QPRT: variants seen among roughly 807,000 people sequenced by gnomAD.
The protein encoded by QPRT is nicotinate-nucleotide pyrophosphorylase [carboxylating].
QPRT carries 17 observed loss-of-function variants against 19.8 expected under a neutral mutation model. The ratio of observed to expected loss-of-function variants is 0.86; its 90% CI spans 0.59 to 1.29. QPRT has a LOEUF of 1.29. Among genes scored for constraint, QPRT ranks in the 50% most tolerant of loss-of-function variants. The probability of loss-of-function intolerance (pLI) is 0.00; values close to 1 mark genes in which losing one functional copy is unlikely to be tolerated. For synonymous variants in QPRT, 178 were observed against 191.0 expected (o/e 0.93, Z 0.56); for missense variants, 336 against 405.1 (o/e 0.83, Z 1.46).
chr16:29,694,411 G>A (rs937453696), intron 1 of QPRT, among the ~76,000 whole-genome samples: 2 of 151,970 alleles, frequency 1.3e-5, no homozygotes, highest in Admixed American at 1.3e-4. Context: ...GAGCCACCGC[G>A]CCCGGCCCAG....
intron 1 of QPRT, among the ~76,000 whole-genome samples, chr16:29,692,281 T>C (rs2142307984): frequency 6.6e-6 from 1 of 151,988 alleles, no homozygotes; most frequent in East Asian, 1.9e-4. Context: ...ATTTATTTAT[T>C]TTTTAAGTGT....
chr16:29,696,152 TG>T (rs1567333226), intron 2 of QPRT: 1 of 152,174 alleles, frequency 6.6e-6, no homozygotes, highest in Non-Finnish European at 1.5e-5. Context: ...CAAATATTGC[TG>T]ATATTCATCC....
intron 1 of QPRT, among the ~76,000 whole-genome samples, chr16:29,691,010 A>G (rs950290609): frequency 4.0e-5 from 6 of 151,836 alleles, no homozygotes; most frequent in African/African-American, 9.7e-5. Flanking sequence ...TGTTTACCCA[A>G]TACTCACCAG....
Position 29,695,291 on chromosome 16 carries a change from G to A in QPRT, c.549+92G>A, listed in dbSNP as rs1967496261. The A allele has an allele frequency of 2.2e-6, 3 of 1,371,008 alleles. No homozygotes were observed. The Admixed American group carries it at 8.3e-5, about 38-fold the overall frequency. 84.9% of individuals were successfully genotyped at this position (1,371,008 alleles called of 1,614,324 possible). ...CCAGAGCCTCCAGCCATGACCGGGTGAACAGCCATGGCCTGGAGTCAGCAA... is the reference window on the plus strand; with the variant it reads ...CCAGAGCCTCCAGCCATGACCGGGTAAACAGCCATGGCCTGGAGTCAGCAA... On this transcript the variant is annotated intron_variant, in intron 2 of 3. Transcript: ENST00000395384.
chr16:29,682,310 A>G (rs1308142897), intron 1 of QPRT, among the ~76,000 whole-genome samples: 1 of 150,664 alleles, frequency 6.6e-6, no homozygotes. Flanking sequence ...AAGTGTTGGG[A>G]TTACAGGCAT....
chr16:29,685,578 C>G (rs1239861138), intron 1 of QPRT, among the ~76,000 whole-genome samples: 1 of 152,156 alleles, frequency 6.6e-6, no homozygotes, highest in Non-Finnish European at 1.5e-5. Flanking sequence ...TGACAGCCAC[C>G]GCGCCCAGCC....
intron 1 of QPRT, among the ~76,000 whole-genome samples, chr16:29,686,056 C>T (rs1279949100): frequency 6.6e-6 from 1 of 152,114 alleles, no homozygotes; most frequent in Non-Finnish European, 1.5e-5. Flanking sequence ...GACGGGGTTT[C>T]ACCATGTTGG....
intron 1 of QPRT, among the ~76,000 whole-genome samples, chr16:29,679,994 T>G (rs891273783): frequency 6.6e-6 from 1 of 151,274 alleles, no homozygotes; most frequent in Non-Finnish European, 1.5e-5. Flanking sequence ...GAGTCTCGCT[T>G]TCCCCCAGGC....
chr16:29,693,447 C>T (rs1216898000), intron 1 of QPRT, among the ~76,000 whole-genome samples: 4 of 151,554 alleles, frequency 2.6e-5, no homozygotes, highest in Admixed American at 6.6e-5. Flanking sequence ...TCATTTTTTT[C>T]GGGGTTTTGC....
chr16:29,684,899 TGCCCGCGGCTGGCACGCCATGGCTG>T (rs1011265441), intron 1 of QPRT, among the ~76,000 whole-genome samples: 5 of 152,092 alleles, frequency 3.3e-5, no homozygotes, highest in African/African-American at 1.2e-4. Flanking sequence ...GGAACAGGGG[TGCCCGCGGCTGGCACGCCATGGCTG>T]GCACGCCATG....
chr16:29,684,637 G>A lies in QPRT; in HGVS notation c.13+5427G>A, dbSNP rs548088741. ...GCTGGGATTACAGGCGTGAGCCACC[G>A]CGCCTGGCCACGGCAGCATCTCTTC... is the stretch of plus-strand genomic sequence containing the variant. On this transcript the variant is annotated intron_variant, in intron 1 of 3. Coordinates refer to ENST00000395384, the MANE Select transcript of QPRT (RefSeq NM_014298.6). 2.2e-3 allele frequency among the ~76,000 whole-genome samples: 338 copies of A among 152,128 alleles called. 2 individuals carry two copies. The highest frequency in any genetic ancestry group is 7.8e-3 in the African/African-American group (322 of 41,500).
At chr16:29,679,119 G>C (rs1048284028), upstream of QPRT, 2 of 1,613,340 alleles carry the variant, frequency 1.2e-6, no homozygotes. Context: ...TCCCTCCACA[G>C]TCCCACCCCC....
At chr16:29,683,909 C>T (rs1388810178) in intron 1 of QPRT, among the ~76,000 whole-genome samples, 2 of 152,130 alleles carry the variant, frequency 1.3e-5, no homozygotes, top group Non-Finnish European at 2.9e-5. Flanking sequence ...ACCTCCCGTG[C>T]GCTCCTCGAG....
At chr16:29,685,917 A>G (rs1326971074) in intron 1 of QPRT, among the ~76,000 whole-genome samples, 1 of 152,108 alleles carries the variant, frequency 6.6e-6, no homozygotes, top group Non-Finnish European at 1.5e-5. Flanking sequence ...CTGGAATACA[A>G]TGGTGGGATC....
chr16:29,680,426 A>T (rs1966965080), intron 1 of QPRT, among the ~76,000 whole-genome samples: 1 of 152,078 alleles, frequency 6.6e-6, no homozygotes, highest in Non-Finnish European at 1.5e-5. Flanking sequence ...CAATGGCAAT[A>T]AGGAGGTGAT....
intron 1 of QPRT, among the ~76,000 whole-genome samples, chr16:29,691,432 G>C (rs1018888216): frequency 2.0e-5 from 3 of 148,402 alleles, no homozygotes; most frequent in African/African-American, 7.6e-5. Context: ...GTAATCCCAG[G>C]ACTTTGAGAG....
At chr16:29,696,957 G>A (rs1362864077) in intron 2 of QPRT, 39 bp from the exon 3 acceptor site, 1 of 1,547,666 alleles carries the variant, frequency 6.5e-7, no homozygotes, top group East Asian at 2.3e-5. Flanking sequence ...CCAGGTGCTG[G>A]GCCCAGTCCT....
At position 29,697,648 on chromosome 16, in the gene QPRT, G is replaced by C. The variant is rs1243869641; in HGVS notation, c.*237G>C. 7.3e-6 allele frequency: 4 copies of C among 547,538 alleles called. No individual in the cohort carries two copies. Among genetic ancestry groups the C allele is most frequent in the Non-Finnish European group, 1.3e-5 (4 of 310,260 alleles). The allele number at this position is 547,538 out of a possible 1,614,324, so 33.9% of individuals were successfully genotyped here. On this transcript the variant is annotated 3_prime_UTR_variant, in exon 4 of 4. Transcript: ENST00000395384. The surrounding 1 kb of genome is among the most constrained non-coding windows in gnomAD (Gnocchi z 4.4). The stretch of plus-strand genomic sequence containing the variant: ...TAAAGGATCAACCACATGGGGTTCT[G>C]CGGTGATAATGAGCACATAGTGAGG...
intron 2 of QPRT, among the ~76,000 whole-genome samples, chr16:29,695,419 A>T (rs542919030): frequency 1.6e-4 from 24 of 146,486 alleles, no homozygotes; most frequent in African/African-American, 5.5e-4. Context: ...TTTTCTGGAG[A>T]TGGGGCCTCA....
Sources: allele counts gnomAD v4.1 joint callset (sites outside exome capture counted in the v4.1 genomes callset), GRCh38; gene constraint gnomAD v4.1.1; non-coding constraint Gnocchi (gnomAD v3.1); transcripts MANE v1.5; gene names NCBI Gene and HGNC (gene_info 2026-07-23, HGNC 2026-07-21).